Variants in PRKD1 observed in about 807,000 individuals in gnomAD.
The protein encoded by PRKD1 is protein kinase D1, also known as serine/threonine-protein kinase D1.
In PRKD1, 63 loss-of-function variants were observed where a neutral mutation model predicts 95.9. The ratio of observed to expected loss-of-function variants is 0.66; its 90% CI spans 0.54 to 0.81. The LOEUF is 0.81. Ranked by LOEUF, PRKD1 falls within the 30% of genes least tolerant of loss-of-function variation. The probability of loss-of-function intolerance (pLI) is 0.00; values close to 1 mark genes in which losing one functional copy is unlikely to be tolerated. For synonymous variants in PRKD1, 425 were observed against 423.1 expected, an observed-to-expected ratio of 1.00 and a Z score of -0.05; for missense variants, 1,048 against 1,165.3, an observed-to-expected ratio of 0.90 and a Z score of 1.47.
intron 1 of PRKD1, among the ~76,000 whole-genome samples, chr14:29,839,572 A>C (rs925155087): frequency 9.2e-5 from 14 of 152,228 alleles, no homozygotes; most frequent in African/African-American, 3.4e-4. Flanking sequence ...GCAGTGCCCC[A>C]GTAGGGCTCT....
At chr14:29,780,912 G>A (rs942133906) in intron 1 of PRKD1, among the ~76,000 whole-genome samples, 1 of 152,036 alleles carries the variant, frequency 6.6e-6, no homozygotes, top group Non-Finnish European at 1.5e-5. Flanking sequence ...GTGATAGACT[G>A]GATTAAGAAA....
intron 1 of PRKD1, among the ~76,000 whole-genome samples, chr14:29,777,968 C>T (rs1280473463): frequency 6.6e-6 from 1 of 152,136 alleles, no homozygotes; most frequent in Non-Finnish European, 1.5e-5. Flanking sequence ...TGCAATCAAA[C>T]TAGAACTCAG....
In PRKD1 at chr14:29,599,079, C is replaced by G; in HGVS notation, c.2114G>C (p.Cys705Ser). 6.2e-7 allele frequency: 1 copy of G among 1,613,756 alleles called. No homozygotes were observed. Among genetic ancestry groups the G allele is most frequent in the Non-Finnish European group, 8.5e-7 (1 of 1,179,774 alleles). Reference sequence around the variant, plus strand: ...CAACACATTTTCTGGTTTGAGGTCACAGTGAACGATATTTTTAAAATGAAG... The same window carrying G: ...CAACACATTTTCTGGTTTGAGGTCAGAGTGAACGATATTTTTAAAATGAAG... ...RHLHFKNIVHCDLKPENVLLA... is the reference protein window; with the variant it reads ...RHLHFKNIVHSDLKPENVLLA... Residue 705 changes from cysteine (C) to serine (S), a missense_variant, in exon 15 of 18, where the codon TGT becomes TCT. Cys to Ser is a moderately radical substitution (Grantham distance 112). Coordinates refer to ENST00000331968, the MANE Select transcript of PRKD1 (RefSeq NM_002742.3).
intron 1 of PRKD1, among the ~76,000 whole-genome samples, chr14:29,797,078 T>A (rs1889849686): frequency 6.6e-6 from 1 of 152,152 alleles, no homozygotes; most frequent in South Asian, 2.1e-4. Flanking sequence ...GAAAGTATTG[T>A]TACCTAGAAA....
intron 7 of PRKD1, 38 bp downstream of exon 7, chr14:29,636,252 G>A (rs750185715): frequency 1.2e-6 from 2 of 1,609,860 alleles, no homozygotes; most frequent in South Asian, 2.2e-5. Flanking sequence ...ACTGCCTGGG[G>A]TTCCCCTGTT....
At chr14:29,650,907 T>C (rs1881452288) in intron 4 of PRKD1, among the ~76,000 whole-genome samples, 1 of 152,240 alleles carries the variant, frequency 6.6e-6, no homozygotes, top group Non-Finnish European at 1.5e-5. Context: ...GAAAAGCAGT[T>C]AATATTCTTT....
chr14:29,899,328 T>G (rs566649609), intron 1 of PRKD1, among the ~76,000 whole-genome samples: 3 of 152,268 alleles, frequency 2.0e-5, no homozygotes, highest in African/African-American at 7.2e-5. Context: ...CAATACACCT[T>G]ATACATTGGG....
At position 29,638,788 on chromosome 14, in the gene PRKD1, G is replaced by A. The variant is rs780985993; in HGVS notation, c.813C>T (p.His271=). The part of the protein sequence containing the change: ...KILMSKVKVP[H]TFVIHSYTRP... ...GGGTGTAGGAGTGGATGACAAATGT[G>A]TGCGGCACTTTAACTTTAGACATCA... The change falls in exon 5 of 18, where the codon CAC becomes CAT. Residue 271 remains histidine (H), a synonymous_variant. Coordinates refer to ENST00000331968, the MANE Select transcript of PRKD1 (RefSeq NM_002742.3). 6.2e-7 allele frequency: 1 copy of A among 1,614,044 alleles called. No homozygotes were observed. The highest frequency in any genetic ancestry group is 1.7e-5 in the Admixed American group (1 of 60,008).
chr14:29,700,975 T>TGCGCGCGC (rs750081427), intron 2 of PRKD1, among the ~76,000 whole-genome samples: 74 of 62,936 alleles, frequency 1.2e-3, no homozygotes, highest in African/African-American at 3.6e-3. Flanking sequence ...CGCGTGCGCA[T>TGCGCGCGC]GCGCGCGCGC....
chr14:29,643,645 T>C (rs1266896989), intron 4 of PRKD1, among the ~76,000 whole-genome samples: 1 of 152,218 alleles, frequency 6.6e-6, no homozygotes, highest in African/African-American at 2.4e-5. Context: ...AAACATTTAA[T>C]AGGACTGAAA....
At chr14:29,676,020 C>G (rs1202229476) in intron 2 of PRKD1, among the ~76,000 whole-genome samples, 1 of 151,078 alleles carries the variant, frequency 6.6e-6, no homozygotes, top group African/African-American at 2.4e-5. Context: ...AGGAGATATA[C>G]CTAATGTAAA....
rs578046171 is a variant in PRKD1 at position 29,909,872 on chromosome 14, G to C, written c.264+17377C>G. 2.7e-3 allele frequency among the ~76,000 whole-genome samples: 418 copies of C among 152,348 alleles called. 1 individual carries two copies. Among genetic ancestry groups the C allele is most frequent in the Non-Finnish European group, 4.4e-3 (299 of 68,030 alleles). On this transcript the variant is annotated intron_variant, in intron 1 of 17. Coordinates refer to ENST00000331968, the MANE Select transcript of PRKD1 (RefSeq NM_002742.3). The stretch of plus-strand genomic sequence containing the variant: ...CACACCAATCAGTGCTCTGTGTCTA[G>C]CTAATCTAGTGGGGACTGGGAGAAC...
In PRKD1 at chr14:29,676,353, T is replaced by C. The variant is rs557351190; in HGVS notation, c.404-10145A>G. 1.4e-4 allele frequency among the ~76,000 whole-genome samples: 21 copies of C among 151,994 alleles called. No homozygotes were observed. In the East Asian group the frequency reaches 3.7e-3, roughly 27 times the overall value. On this transcript the variant is annotated intron_variant, in intron 2 of 17. Coordinates refer to ENST00000331968, the MANE Select transcript of PRKD1 (RefSeq NM_002742.3). ...AAAGTGGAGATCAAGTCAAGAGTAG[T>C]AGGCTCCGAAGAGGTGGAGGTCAAA...
intron 1 of PRKD1, among the ~76,000 whole-genome samples, chr14:29,895,317 A>G (rs898400820): frequency 1.3e-5 from 2 of 152,122 alleles, no homozygotes; most frequent in African/African-American, 4.8e-5. Context: ...ACTCCATCTC[A>G]AAAACAAACA....
chr14:29,683,781 C>T (rs1414442027), intron 2 of PRKD1, among the ~76,000 whole-genome samples: 2 of 152,130 alleles, frequency 1.3e-5, no homozygotes, highest in African/African-American at 2.4e-5. Flanking sequence ...ATGTTAAACA[C>T]TTTATATGTT....
intron 1 of PRKD1, among the ~76,000 whole-genome samples, chr14:29,835,859 A>C (rs1891593224): frequency 6.6e-6 from 1 of 152,178 alleles, no homozygotes; most frequent in Non-Finnish European, 1.5e-5. Flanking sequence ...GTGAGCCACC[A>C]CACCCAGCCT....
At chr14:29,739,631 C>T (rs1191869413) in intron 1 of PRKD1, among the ~76,000 whole-genome samples, 1 of 152,098 alleles carries the variant, frequency 6.6e-6, no homozygotes, top group Non-Finnish European at 1.5e-5. Context: ...AGTTTGTTGT[C>T]CTACAAGATA....
intron 1 of PRKD1, among the ~76,000 whole-genome samples, chr14:29,829,496 A>T (rs967964654): frequency 2.0e-5 from 3 of 152,214 alleles, no homozygotes; most frequent in Admixed American, 1.3e-4. Flanking sequence ...AATCTTTTTG[A>T]TGATGTGCTT....
At chr14:29,882,358 T>G (rs1566652778) in intron 1 of PRKD1, among the ~76,000 whole-genome samples, 1 of 152,234 alleles carries the variant, frequency 6.6e-6, no homozygotes, top group Non-Finnish European at 1.5e-5. Context: ...GAATTCGTTA[T>G]CATGTATTAT....
Sources: gnomAD v4.1 joint callset for allele counts (sites outside exome capture counted in the v4.1 genomes callset) on GRCh38, gnomAD v4.1.1 for gene constraint, MANE v1.5 for transcripts, NCBI Gene and HGNC (gene_info 2026-07-23, HGNC 2026-07-21) for gene names.